RMND5A: variants seen among roughly 807,000 people sequenced by gnomAD.
RMND5A encodes the protein E3 ubiquitin-protein transferase RMND5A.
RMND5A carries 17 observed loss-of-function variants against 49.7 expected under a neutral mutation model. The observed-to-expected ratio is 0.34, with a 90% CI of 0.23 to 0.51. The LOEUF (loss-of-function observed/expected upper bound fraction) is 0.51, where lower values mean the gene tolerates loss of function less well. Ranked by LOEUF, RMND5A falls within the 20% of genes least tolerant of loss-of-function variation. RMND5A has a pLI of 0.96. For missense variants in RMND5A, 255 were observed against 471.3 expected (o/e 0.54, Z 4.25); for synonymous variants, 156 against 167.7 (o/e 0.93, Z 0.54).
At chr2:86,752,473 T>C (rs1681653179) in intron 3 of RMND5A, among the ~76,000 whole-genome samples, 1 of 152,262 alleles carries the variant, frequency 6.6e-6, no homozygotes, top group African/African-American at 2.4e-5. Context: ...CATTTGTCTT[T>C]TATTTCTATC....
chr2:86,771,874 T>A (rs1360620171), intron 8 of RMND5A, among the ~76,000 whole-genome samples, 162 bp downstream of exon 8: 2 of 152,242 alleles, frequency 1.3e-5, no homozygotes, highest in Non-Finnish European at 2.9e-5. Context: ...GATTTGAGTA[T>A]TTTTAATGTG....
chr2:86,729,954 A>G lies in RMND5A; in HGVS notation c.142+9145A>G, dbSNP rs1372839989. Reference sequence around the variant, plus strand: ...TGGGAGTGAGGTTTGACTAGAGGCAAGAACGTTAGCTAAGGCTAAGTGTCA... The same window carrying G: ...TGGGAGTGAGGTTTGACTAGAGGCAGGAACGTTAGCTAAGGCTAAGTGTCA... On this transcript the variant is annotated intron_variant, in intron 1 of 8. Coordinates refer to ENST00000283632, the MANE Select transcript of RMND5A (RefSeq NM_022780.4). Among the ~76,000 whole-genome samples the G allele has an allele frequency of 3.0e-5, 2 of 66,348 alleles. 1 individual carries two copies. The highest frequency in any genetic ancestry group is 5.9e-5 in the Non-Finnish European group (2 of 34,116). 43.5% of individuals were successfully genotyped at this position (66,348 alleles called of 152,430 possible).
chr2:86,720,771 A>G lies in RMND5A; in HGVS notation c.104A>G (p.Tyr35Cys), dbSNP rs1246359617. ...CERGLEELID[Y>C]TGGLKHEILQ... ...CGCGGCCTGGAGGAGCTCATCGACT[A>G]CACCGGCGGCCTCAAGCACGAGATC... Residue 35 changes from tyrosine to cysteine, a missense_variant, in exon 1 of 9, where the codon TAC (tyrosine) becomes TGC (cysteine). Transcript: ENST00000283632. 1 of 1,595,562 alleles carries G rather than the reference A, an allele frequency of 6.3e-7. No homozygotes were observed. Among genetic ancestry groups the G allele is most frequent in the African/African-American group, 1.4e-5 (1 of 73,898 alleles).
intron 2 of RMND5A, among the ~76,000 whole-genome samples, chr2:86,747,321 T>C (rs899803333): frequency 2.0e-5 from 3 of 152,226 alleles, no homozygotes; most frequent in Non-Finnish European, 4.4e-5. Flanking sequence ...ATTTGTGCAT[T>C]TCATGTTCTG....
Position 86,776,106 on chromosome 2 carries a change from T to C in RMND5A, c.*2695T>C, listed in dbSNP as rs1455983029. 1 of 152,234 alleles carries C rather than the reference T, an allele frequency of 6.6e-6. No individual in the cohort carries two copies. The highest frequency in any genetic ancestry group is 1.5e-5 in the Non-Finnish European group (1 of 68,036). 9.4% of individuals were successfully genotyped at this position (152,234 alleles called of 1,614,324 possible). ...ACATATCAGTTATAGACAAAGGCCA[T>C]GGGACTATGCTAAACCAATAAAACC... is the stretch of plus-strand genomic sequence containing the variant. On this transcript the variant is annotated 3_prime_UTR_variant, in exon 9 of 9. Coordinates refer to ENST00000283632, the MANE Select transcript of RMND5A (RefSeq NM_022780.4).
intron 5 of RMND5A, chr2:86,765,643 T>A: frequency 2.0e-6 from 1 of 510,892 alleles, no homozygotes; most frequent in Non-Finnish European, 3.5e-6. Context: ...GAATTTAAAT[T>A]ATAAGTTCAG....
At chr2:86,743,730 A>C (rs1681489074) in intron 2 of RMND5A, among the ~76,000 whole-genome samples, 1 of 152,146 alleles carries the variant, frequency 6.6e-6, no homozygotes, top group African/African-American at 2.4e-5. Flanking sequence ...TCACACTTGT[A>C]ATCCCAGCAC....
chr2:86,743,619 A>G (rs778152292), intron 2 of RMND5A, among the ~76,000 whole-genome samples: 10 of 151,844 alleles, frequency 6.6e-5, no homozygotes, highest in Admixed American at 1.3e-4. Flanking sequence ...AAATTGTTTC[A>G]TGTTCCTGTG....
chr2:86,746,828 C>T lies in RMND5A; in HGVS notation c.286-5068C>T, dbSNP rs59663272. Among the ~76,000 whole-genome samples, 29 of 152,332 alleles carry T rather than the reference C, an allele frequency of 1.9e-4. 1 individual carries two copies. The East Asian group carries it at 4.8e-3, about 25-fold the overall frequency. ...AGAGTGGTTTGGCACGTTACTCCCT[C>T]ATTTTTTAAATAAAGCAATAACATA... On this transcript the variant is annotated intron_variant, in intron 2 of 8. Transcript: ENST00000283632.
intron 2 of RMND5A, 96 bp from the exon 3 acceptor site, chr2:86,751,799 AT>A (rs2104397054): frequency 8.5e-7 from 1 of 1,174,900 alleles, no homozygotes; most frequent in East Asian, 2.5e-5. Context: ...TTGGGTTCTT[AT>A]TGGGGTATCT....
chr2:86,743,681 A>T (rs573067301), intron 2 of RMND5A, among the ~76,000 whole-genome samples: 2 of 152,178 alleles, frequency 1.3e-5, no homozygotes, highest in South Asian at 4.1e-4. Context: ...CTCATTCGTC[A>T]TATGAAACTA....
intron 6 of RMND5A, 127 bp from the exon 7 acceptor site, chr2:86,769,896 A>C: frequency 1.5e-6 from 1 of 653,176 alleles, no homozygotes; most frequent in South Asian, 2.0e-5. Flanking sequence ...TTAGCAGAAC[A>C]GAAAGCTCTC....
intron 4 of RMND5A, among the ~76,000 whole-genome samples, chr2:86,754,724 TA>T (rs1681699037): frequency 6.6e-6 from 1 of 151,906 alleles, no homozygotes; most frequent in African/African-American, 2.4e-5. Context: ...CCCAGCTAAT[TA>T]AAAAAAATTT....
At chr2:86,744,432 G>C (rs144638636) in intron 2 of RMND5A, among the ~76,000 whole-genome samples, 1 of 152,236 alleles carries the variant, frequency 6.6e-6, no homozygotes, top group South Asian at 2.1e-4. Context: ...TAATAAACTG[G>C]AATGTCCATC....
chr2:86,764,045 A>G (rs1482440311), intron 4 of RMND5A, among the ~76,000 whole-genome samples: 3 of 152,218 alleles, frequency 2.0e-5, no homozygotes, highest in African/African-American at 7.2e-5. Flanking sequence ...AGGACCCAGT[A>G]AAAGTGCAGC....
intron 2 of RMND5A, among the ~76,000 whole-genome samples, chr2:86,742,834 G>A (rs1307431106): frequency 6.6e-6 from 1 of 150,812 alleles, no homozygotes; most frequent in African/African-American, 2.4e-5. Context: ...ACCAAAGGTG[G>A]TATGACAGTG....
At chr2:86,765,642 T>G in intron 5 of RMND5A, 1 of 508,478 alleles carries the variant, frequency 2.0e-6, no homozygotes, top group African/African-American at 1.9e-5. Context: ...AGAATTTAAA[T>G]TATAAGTTCA....
chr2:86,757,170 G>T (rs1681755422), intron 4 of RMND5A, among the ~76,000 whole-genome samples: 1 of 77,130 alleles, frequency 1.3e-5, no homozygotes. Context: ...GTGAAACTCA[G>T]TCTCAAAAAA....
chr2:86,726,117 A>G lies in RMND5A; in HGVS notation c.142+5308A>G, dbSNP rs1447860471. On this transcript the variant is annotated intron_variant, in intron 1 of 8. Transcript: ENST00000283632. ...TTTTAACTCATTGCTGTGGTATGATATTGCATCAGTACACAAAAACCAGAG... is the reference window on the plus strand; with the variant it reads ...TTTTAACTCATTGCTGTGGTATGATGTTGCATCAGTACACAAAAACCAGAG... Among the ~76,000 whole-genome samples the G allele has an allele frequency of 3.9e-5, 3 of 76,072 alleles. 1 individual carries two copies. Among genetic ancestry groups the G allele is most frequent in the African/African-American group, 1.6e-4 (3 of 18,340 alleles). 49.9% of individuals were successfully genotyped at this position (76,072 alleles called of 152,430 possible). A position where few individuals can be genotyped will look rare whatever the true frequency, so the allele number is the denominator to read the frequency against.
Sources: allele counts gnomAD v4.1 joint callset (sites outside exome capture counted in the v4.1 genomes callset), GRCh38; gene constraint gnomAD v4.1.1; transcripts MANE v1.5; gene names NCBI Gene and HGNC (gene_info 2026-07-23, HGNC 2026-07-21).